ADAMTS12: variants seen among roughly 807,000 people sequenced by gnomAD.
ADAMTS12 encodes the protein ADAM metallopeptidase with thrombospondin type 1 motif 12.
ADAMTS12 carries 118 observed loss-of-function variants against 167.8 expected under a neutral mutation model. The observed-to-expected ratio is 0.70, with a 90% CI of 0.61 to 0.82. The LOEUF is 0.82. Ranked by LOEUF, ADAMTS12 falls within the 40% of genes least tolerant of loss-of-function variation. ADAMTS12 has a pLI of 0.00. For missense variants in ADAMTS12, 1,916 were observed against 1,998.8 expected (o/e 0.96, Z 0.79); for synonymous variants, 704 against 716.9 (o/e 0.98, Z 0.29).
At chr5:33,813,354 T>C (rs1415841601) in intron 2 of ADAMTS12, among the ~76,000 whole-genome samples, 1 of 152,240 alleles carries the variant, frequency 6.6e-6, no homozygotes, top group Non-Finnish European at 1.5e-5. Context: ...TGATGCCTAT[T>C]GGTAATTTGA....
chr5:33,773,100 A>T (rs1416166099), intron 2 of ADAMTS12, among the ~76,000 whole-genome samples: 1 of 152,212 alleles, frequency 6.6e-6, no homozygotes, highest in Non-Finnish European at 1.5e-5. Flanking sequence ...TCTTGAACAC[A>T]TGAGCTGTTC....
chr5:33,682,551 A>T (rs1742163852), intron 5 of ADAMTS12, among the ~76,000 whole-genome samples: 1 of 151,770 alleles, frequency 6.6e-6, no homozygotes, highest in African/African-American at 2.4e-5. Context: ...TTTACTTTAC[A>T]TCATCTCTGA....
At chr5:33,616,984 T>C (rs776747324) in intron 14 of ADAMTS12, among the ~76,000 whole-genome samples, 14 of 152,180 alleles carry the variant, frequency 9.2e-5, no homozygotes, top group Non-Finnish European at 1.5e-4. Flanking sequence ...GGAAAGAACA[T>C]GGACTTGGAG....
At chr5:33,687,790 T>C (rs112327351) in intron 3 of ADAMTS12, among the ~76,000 whole-genome samples, 129 of 152,312 alleles carry the variant, frequency 8.5e-4, no homozygotes, top group Admixed American at 3.7e-3. Context: ...GAAATGTTTC[T>C]GCTACGCAAT....
In ADAMTS12 at chr5:33,826,988, C is replaced by T. The variant is rs568710838; in HGVS notation, c.489+54131G>A. ...CTTTATGAATACTAAAATTTAATGACCCTTAATAAGTCACGTAATTGTTTC... is the reference window on the plus strand; with the variant it reads ...CTTTATGAATACTAAAATTTAATGATCCTTAATAAGTCACGTAATTGTTTC... On this transcript the variant is annotated intron_variant, in intron 2 of 23. Transcript: ENST00000504830. Among the ~76,000 whole-genome samples the T allele has an allele frequency of 3.0e-4, 46 of 151,702 alleles. No individual in the cohort carries two copies. In the South Asian group the frequency reaches 9.6e-3, roughly 32 times the overall value.
At chr5:33,846,702 C>T (rs752661590) in intron 2 of ADAMTS12, among the ~76,000 whole-genome samples, 5 of 152,178 alleles carry the variant, frequency 3.3e-5, no homozygotes, top group African/African-American at 1.2e-4. Context: ...TAGTAGTAAA[C>T]ACCTTGCAGA....
chr5:33,796,763 A>G (rs975549285), intron 2 of ADAMTS12, among the ~76,000 whole-genome samples: 1 of 152,210 alleles, frequency 6.6e-6, no homozygotes, highest in Non-Finnish European at 1.5e-5. Context: ...TGTAGGGTCT[A>G]TGAAGAGCAG....
At position 33,849,383 on chromosome 5, in the gene ADAMTS12, C is replaced by A. The variant is rs202021776; in HGVS notation, c.489+31736G>T. 4.0e-3 allele frequency among the ~76,000 whole-genome samples: 514 copies of A among 127,150 alleles called. 3 individuals carry two copies. The highest frequency in any genetic ancestry group is 0.029 in the East Asian group (98 of 3,346). 83.4% of individuals were successfully genotyped at this position (127,150 alleles called of 152,430 possible). A position where few individuals can be genotyped will look rare whatever the true frequency, so the allele number is the denominator to read the frequency against. ...TGAATAGCAATATATATATGTATTG[C>A]ACAGCAATATATATATATGTATTGC... is the stretch of plus-strand genomic sequence containing the variant. On this transcript the variant is annotated intron_variant, in intron 2 of 23. Transcript: ENST00000504830.
rs574628190 is a variant in ADAMTS12 at position 33,840,556 on chromosome 5, A to T, written c.489+40563T>A. ...TGATAATGGTACCACCTCATAGATT[A>T]GTTGTGAAGGTTATGTGAAATAAAG... On this transcript the variant is annotated intron_variant, in intron 2 of 23. Transcript: ENST00000504830. Among the ~76,000 whole-genome samples the T allele has an allele frequency of 8.9e-4, 135 of 152,318 alleles. 1 individual carries two copies. In the East Asian group the frequency reaches 0.013, roughly 15 times the overall value.
intron 2 of ADAMTS12, among the ~76,000 whole-genome samples, chr5:33,865,623 T>A (rs961719601): frequency 9.9e-5 from 15 of 152,092 alleles, no homozygotes; most frequent in Non-Finnish European, 1.3e-4. Flanking sequence ...GACAGAGCAA[T>A]CAGGCAGGAG....
intron 2 of ADAMTS12, among the ~76,000 whole-genome samples, chr5:33,825,983 G>T (rs563360065): frequency 9.9e-4 from 150 of 152,218 alleles, no homozygotes; most frequent in Non-Finnish European, 1.6e-3. Flanking sequence ...ACTCCACACT[G>T]GAACAGATCT....
chr5:33,568,705 C>G (rs1027681418), intron 19 of ADAMTS12, among the ~76,000 whole-genome samples: 4 of 152,196 alleles, frequency 2.6e-5, no homozygotes, highest in Non-Finnish European at 5.9e-5. Context: ...ATCTGAGGTA[C>G]CGGGTTCATC....
In ADAMTS12 at chr5:33,561,036, G is replaced by A. The variant is rs756664288; in HGVS notation, c.4116C>T (p.Asn1372=). Residue 1372 remains asparagine (N), a synonymous_variant, in exon 20 of 24, where the codon AAC becomes AAT. Coordinates refer to ENST00000504830, the MANE Select transcript of ADAMTS12 (RefSeq NM_030955.4). Reference sequence around the variant, plus strand: ...AAGCCTGATAAGTTACCTTGCTCCAGTTTCCCACTTTCCAGCCAGCACAGG... The same window carrying A: ...AAGCCTGATAAGTTACCTTGCTCCAATTTCCCACTTTCCAGCCAGCACAGG... ...LRPCAGWKVG[N]WSKCSRNCSG... The A allele has an allele frequency of 1.2e-6, 2 of 1,614,028 alleles. No homozygotes were observed. The highest frequency in any genetic ancestry group is 1.1e-5 in the South Asian group (1 of 91,076).
chr5:33,780,388 A>T (rs1746082216), intron 2 of ADAMTS12, among the ~76,000 whole-genome samples: 1 of 152,206 alleles, frequency 6.6e-6, no homozygotes, highest in Admixed American at 6.5e-5. Context: ...TCATCATACA[A>T]GGTATGAGAT....
chr5:33,709,544 T>TA (rs1461251301), intron 3 of ADAMTS12, among the ~76,000 whole-genome samples: 6 of 152,180 alleles, frequency 3.9e-5, no homozygotes, highest in Non-Finnish European at 1.5e-5. Context: ...AATGAAATAA[T>TA]GTCCTTTGCA....
intron 3 of ADAMTS12, among the ~76,000 whole-genome samples, chr5:33,691,674 G>A (rs1353062199): frequency 1.3e-5 from 2 of 152,158 alleles, no homozygotes; most frequent in African/African-American, 2.4e-5. Flanking sequence ...AAGTCATGCT[G>A]GCATTTAGTT....
chr5:33,803,266 G>A (rs1048449345), intron 2 of ADAMTS12, among the ~76,000 whole-genome samples: 7 of 152,308 alleles, frequency 4.6e-5, no homozygotes, highest in African/African-American at 1.4e-4. Flanking sequence ...AAAGAAGTGT[G>A]GTGGGAACAA....
At chr5:33,534,464 A>G (rs911198452) in intron 23 of ADAMTS12, among the ~76,000 whole-genome samples, 1 of 152,156 alleles carries the variant, frequency 6.6e-6, no homozygotes, top group Non-Finnish European at 1.5e-5. Context: ...AGAGATGACC[A>G]TTTCACACTT....
At chr5:33,604,423 C>T (rs554944905) in intron 16 of ADAMTS12, among the ~76,000 whole-genome samples, 1 of 151,796 alleles carries the variant, frequency 6.6e-6, no homozygotes, top group African/African-American at 2.4e-5. Context: ...ATCACTTGAA[C>T]CTGGGAGGTG....
Sources: allele counts gnomAD v4.1 joint callset (sites outside exome capture counted in the v4.1 genomes callset), GRCh38; gene constraint gnomAD v4.1.1; transcripts MANE v1.5; gene names NCBI Gene and HGNC (gene_info 2026-07-23, HGNC 2026-07-21).